RAD51B: variants seen among roughly 807,000 people sequenced by gnomAD.
RAD51B encodes the protein RAD51 paralog B.
A neutral mutation model predicts 42.2 loss-of-function variants in RAD51B; 38 were observed. The ratio of observed to expected loss-of-function variants is 0.90; its 90% CI spans 0.70 to 1.18. The LOEUF (loss-of-function observed/expected upper bound fraction) is 1.18, where lower values mean the gene tolerates loss of function less well. Ranked by LOEUF, RAD51B falls within the 50% of genes most tolerant of loss-of-function variation. The pLI is 0.00. For missense variants in RAD51B, 373 were observed against 400.7 expected, an observed-to-expected ratio of 0.93 and a Z score of 0.59; for synonymous variants, 154 against 145.2, an observed-to-expected ratio of 1.06 and a Z score of -0.43.
intron 8 of RAD51B, among the ~76,000 whole-genome samples, chr14:68,322,144 A>G (rs1956530): frequency 5.1e-4 from 77 of 152,366 alleles, no homozygotes; most frequent in Middle Eastern, 3.4e-3. Context: ...AAATAAATGT[A>G]TAAAATGAAG....
At chr14:67,882,480 A>G (rs1189684193) in intron 5 of RAD51B, among the ~76,000 whole-genome samples, 1 of 152,160 alleles carries the variant, frequency 6.6e-6, no homozygotes, top group Non-Finnish European at 1.5e-5. Context: ...AATCTTTTAT[A>G]GGCTGTAACT....
chr14:68,571,011 A>G (rs546874494), intron 10 of RAD51B, among the ~76,000 whole-genome samples: 1 of 152,286 alleles, frequency 6.6e-6, no homozygotes, highest in African/African-American at 2.4e-5. Context: ...TTTAAACTTC[A>G]CATCAGCCAG....
chr14:68,262,153 A>G (rs935554483), intron 7 of RAD51B, among the ~76,000 whole-genome samples: 4 of 152,168 alleles, frequency 2.6e-5, no homozygotes, highest in African/African-American at 4.8e-5. Context: ...GTGTGTGCAC[A>G]CACGTGTATT....
chr14:68,595,184 C>T, exon 11 of RAD51B: 1 of 1,064,250 alleles, frequency 9.4e-7, no homozygotes, highest in Non-Finnish European at 1.1e-6. Context: ...TCTAATGGAG[C>T]AGAACACTTA....
At chr14:68,256,579 C>G (rs1187537539) in intron 7 of RAD51B, among the ~76,000 whole-genome samples, 1 of 152,178 alleles carries the variant, frequency 6.6e-6, no homozygotes, top group Non-Finnish European at 1.5e-5. Context: ...CCTGAAGTCA[C>G]ACTGCTTGGT....
intron 9 of RAD51B, among the ~76,000 whole-genome samples, chr14:68,449,615 G>C (rs934005604): frequency 1.3e-5 from 2 of 152,294 alleles, no homozygotes; most frequent in Non-Finnish European, 2.9e-5. Context: ...CCTTCATCAT[G>C]TGTCTCCTGA....
At chr14:68,467,744 C>T (rs1470270819) in intron 9 of RAD51B, among the ~76,000 whole-genome samples, 1 of 152,226 alleles carries the variant, frequency 6.6e-6, no homozygotes, top group African/African-American at 2.4e-5. Context: ...ATTGCTTTGC[C>T]TTTCGCAAGT....
intron 7 of RAD51B, among the ~76,000 whole-genome samples, chr14:68,256,063 G>C (rs1291412993): frequency 6.6e-6 from 1 of 152,160 alleles, no homozygotes; most frequent in African/African-American, 2.4e-5. Flanking sequence ...CTGGATCCAG[G>C]ATATTATACT....
At chr14:67,894,176 G>A (rs2043328607) in intron 7 of RAD51B, among the ~76,000 whole-genome samples, 1 of 152,140 alleles carries the variant, frequency 6.6e-6, no homozygotes, top group Admixed American at 6.6e-5. Context: ...CACAATGTTT[G>A]GCATATTCAG....
chr14:68,088,971 TAGAA>T (rs1310442417), intron 7 of RAD51B, among the ~76,000 whole-genome samples: 2 of 152,168 alleles, frequency 1.3e-5, no homozygotes, highest in African/African-American at 2.4e-5. Context: ...CTCATGTCCT[TAGAA>T]AGGACAGAAC....
At chr14:68,443,203 G>C (rs1487591016) in intron 9 of RAD51B, among the ~76,000 whole-genome samples, 1 of 152,228 alleles carries the variant, frequency 6.6e-6, no homozygotes, top group Non-Finnish European at 1.5e-5. Flanking sequence ...CTCTGTGGTT[G>C]AAAGTATTTT....
At position 68,237,823 on chromosome 14, in the gene RAD51B, C is replaced by T. The variant is rs1356110023; in HGVS notation, c.757-54061C>T. On this transcript the variant is annotated intron_variant, in intron 7 of 10. Transcript: ENST00000471583. Reference sequence around the variant, plus strand: ...CAATCTCAGCTCACTGCAACCTCTGCCTCCCGGTTCAAGTGATTCCCCTGC... The same window carrying T: ...CAATCTCAGCTCACTGCAACCTCTGTCTCCCGGTTCAAGTGATTCCCCTGC... 4.0e-5 allele frequency among the ~76,000 whole-genome samples: 6 copies of T among 150,538 alleles called. No individual in the cohort carries two copies. The East Asian group carries it at 9.8e-4, about 24-fold the overall frequency.
At chr14:68,044,487 A>G (rs1216275152) in intron 7 of RAD51B, among the ~76,000 whole-genome samples, 3 of 152,132 alleles carry the variant, frequency 2.0e-5, no homozygotes, top group African/African-American at 7.2e-5. Flanking sequence ...CCTGGCCCTG[A>G]CTTAGTTTGT....
chr14:68,530,748 A>C (rs1219746887), intron 10 of RAD51B, among the ~76,000 whole-genome samples: 1 of 152,182 alleles, frequency 6.6e-6, no homozygotes, highest in East Asian at 1.9e-4. Context: ...TGAAAGAACC[A>C]TTAAAATATG....
chr14:67,921,901 T>C lies in RAD51B; in HGVS notation c.756+34697T>C, dbSNP rs8023235. Among the ~76,000 whole-genome samples the C allele has an allele frequency of 3.2e-3, 486 of 152,106 alleles. 2 individuals are homozygous for C. The highest frequency in any genetic ancestry group is 0.011 in the African/African-American group (460 of 41,496). On this transcript the variant is annotated intron_variant, in intron 7 of 10. Transcript: ENST00000471583. ...TGAGTGTTTATGGGTGTGTGTGTGTTAGTGTGCTCTGCGATGGGATGGCAT... is the reference window on the plus strand; with the variant it reads ...TGAGTGTTTATGGGTGTGTGTGTGTCAGTGTGCTCTGCGATGGGATGGCAT...
intron 8 of RAD51B, among the ~76,000 whole-genome samples, chr14:68,327,542 T>G (rs1287051129): frequency 1.3e-5 from 2 of 152,128 alleles, no homozygotes; most frequent in African/African-American, 4.8e-5. Context: ...GGAATCCAAC[T>G]AAATTTCCTG....
At position 68,213,628 on chromosome 14, in the gene RAD51B, A is replaced by G. The variant is rs117739199; in HGVS notation, c.757-78256A>G. On this transcript the variant is annotated intron_variant, in intron 7 of 10. Coordinates refer to ENST00000471583, the MANE Select transcript of RAD51B (RefSeq NM_133510.4). ...ATACTAACGTATACCTACTTTTAAA[A>G]AAGAACAACTAATAGGAGGGTGCAT... 7.4e-3 allele frequency among the ~76,000 whole-genome samples: 1,122 copies of G among 152,332 alleles called. 3 individuals carry two copies. Among genetic ancestry groups the G allele is most frequent in the Non-Finnish European group, 0.011 (725 of 68,030 alleles).
chr14:68,300,164 G>A (rs939709389), intron 8 of RAD51B, among the ~76,000 whole-genome samples: 9 of 152,178 alleles, frequency 5.9e-5, no homozygotes, highest in Non-Finnish European at 7.3e-5. Flanking sequence ...AGTTTGTTAA[G>A]TAGGACTGTG....
chr14:67,888,683 A>G (rs889888825), intron 7 of RAD51B, among the ~76,000 whole-genome samples: 1 of 152,182 alleles, frequency 6.6e-6, no homozygotes, highest in Non-Finnish European at 1.5e-5. Context: ...ATGATTCCCT[A>G]TAGTTAAGCA....
Sources: gnomAD v4.1 joint callset for allele counts (sites outside exome capture counted in the v4.1 genomes callset) on GRCh38, gnomAD v4.1.1 for gene constraint, MANE v1.5 for transcripts, NCBI Gene and HGNC (gene_info 2026-07-23, HGNC 2026-07-21) for gene names.